KCNQ5: variants seen among roughly 807,000 people sequenced by gnomAD.
The protein encoded by KCNQ5 is potassium voltage-gated channel subfamily KQT member 5.
Under a neutral mutation model 98.2 loss-of-function variants are expected in KCNQ5, and 30 were observed. That is an observed-to-expected ratio of 0.31 (90% CI 0.23 to 0.41). KCNQ5 has a LOEUF of 0.41. Ranked by LOEUF, KCNQ5 falls within the 10% of genes least tolerant of loss-of-function variation. The pLI is 1.00. For missense variants in KCNQ5, 835 were observed against 1,182.5 expected, an observed-to-expected ratio of 0.71 and a Z score of 4.31; for synonymous variants, 458 against 449.4, an observed-to-expected ratio of 1.02 and a Z score of -0.24.
chr6:72,872,330 T>C (rs1408651346), intron 1 of KCNQ5, among the ~76,000 whole-genome samples: 1 of 152,172 alleles, frequency 6.6e-6, no homozygotes, highest in East Asian at 1.9e-4. Context: ...TGCCTTCCAG[T>C]ATATTTGTCA....
At chr6:72,987,459 G>A (rs1768841029) in intron 1 of KCNQ5, 3 of 676,270 alleles carry the variant, frequency 4.4e-6, no homozygotes, top group South Asian at 4.1e-5. Flanking sequence ...TGACAACGAG[G>A]AACAGAAACT....
chr6:72,945,628 A>C (rs1196640632), intron 1 of KCNQ5, among the ~76,000 whole-genome samples: 1 of 151,238 alleles, frequency 6.6e-6, no homozygotes, highest in African/African-American at 2.4e-5. Flanking sequence ...CTAATTTTTA[A>C]ATTTTTTAGT....
chr6:73,170,555 T>A, intron 11 of KCNQ5, among the ~76,000 whole-genome samples: 2 of 102,120 alleles, frequency 2.0e-5, no homozygotes, highest in South Asian at 3.7e-4. Flanking sequence ...GAATGCTGAG[T>A]AACTATATTG....
chr6:73,189,409 G>T (rs968192575), intron 11 of KCNQ5, among the ~76,000 whole-genome samples: 9 of 152,152 alleles, frequency 5.9e-5, no homozygotes, highest in Non-Finnish European at 1.0e-4. Context: ...GCAAGGTAGG[G>T]TTTAGGCTTT....
chr6:72,625,991 C>T (rs751234271), intron 1 of KCNQ5, among the ~76,000 whole-genome samples: 8 of 152,184 alleles, frequency 5.3e-5, no homozygotes, highest in Non-Finnish European at 7.3e-5. Flanking sequence ...ATATCATCCC[C>T]TTGCCTAAAA....
chr6:72,726,205 T>TA (rs145136775), intron 1 of KCNQ5, among the ~76,000 whole-genome samples: 93 of 130,056 alleles, frequency 7.2e-4, no homozygotes, highest in African/African-American at 2.0e-3. Flanking sequence ...TTTTTAAATT[T>TA]AAATTTTTTT....
At chr6:72,913,214 A>AT (rs1253290010) in intron 1 of KCNQ5, among the ~76,000 whole-genome samples, 1 of 152,186 alleles carries the variant, frequency 6.6e-6, no homozygotes, top group East Asian at 1.9e-4. Flanking sequence ...CACCACAAGT[A>AT]GATTTCAGTA....
intron 1 of KCNQ5, among the ~76,000 whole-genome samples, chr6:72,694,440 A>C (rs1289246995): frequency 6.6e-6 from 1 of 152,156 alleles, no homozygotes; most frequent in Non-Finnish European, 1.5e-5. Context: ...TGAGAGATGC[A>C]GAGGGGTTAT....
chr6:72,661,363 C>T (rs557036701), intron 1 of KCNQ5, among the ~76,000 whole-genome samples: 67 of 152,026 alleles, frequency 4.4e-4, no homozygotes, highest in Non-Finnish European at 5.0e-4. Flanking sequence ...GGCTTATCAG[C>T]TTACTTAGCA....
chr6:72,786,046 A>C (rs551303553), intron 1 of KCNQ5, among the ~76,000 whole-genome samples: 53 of 152,332 alleles, frequency 3.5e-4, no homozygotes, highest in African/African-American at 1.3e-3. Context: ...TAATTTTAAT[A>C]ATAGATTTGA....
At chr6:73,077,279 C>T (rs1271229795) in intron 3 of KCNQ5, 43 bp from the exon 4 acceptor site, 2 of 1,564,550 alleles carry the variant, frequency 1.3e-6, no homozygotes, top group Non-Finnish European at 1.8e-6. Context: ...AATAAAAATT[C>T]CTGGTCGTGC....
Position 73,194,727 on chromosome 6 carries a change from G to A in KCNQ5, c.2112G>A (p.Ala704=), listed in dbSNP as rs142867844. 6.9e-5 allele frequency: 112 copies of A among 1,614,078 alleles called. No homozygotes were observed. Among genetic ancestry groups the A allele is most frequent in the Middle Eastern group, 3.3e-4 (2 of 6,084 alleles). Residue 704 remains alanine (A), a synonymous_variant, in exon 14 of 14, where the codon GCG becomes GCA. Coordinates refer to ENST00000370398, the MANE Select transcript of KCNQ5 (RefSeq NM_019842.4). The part of the protein sequence containing the change: ...PNEFSAQTFY[A]LSPTMHSQAT... ...AGTTCAGTGCCCAGACTTTCTACGC[G>A]CTTAGCCCTACTATGCACAGTCAAG...
intron 2 of KCNQ5, among the ~76,000 whole-genome samples, chr6:73,034,179 C>G (rs1036981531): frequency 6.6e-6 from 1 of 151,790 alleles, no homozygotes; most frequent in African/African-American, 2.4e-5. Context: ...TGACTGATGC[C>G]TTTTTTTTGC....
At chr6:72,647,301 G>C (rs1765638941) in intron 1 of KCNQ5, among the ~76,000 whole-genome samples, 1 of 152,142 alleles carries the variant, frequency 6.6e-6, no homozygotes, top group Admixed American at 6.5e-5. Context: ...CAGTAGAGTT[G>C]AATTGAAAGA....
chr6:72,777,246 A>G lies in KCNQ5; in HGVS notation c.398+154659A>G, dbSNP rs142651144. Among the ~76,000 whole-genome samples the G allele has an allele frequency of 3.2e-4, 49 of 152,362 alleles. No individual in the cohort carries two copies. In the East Asian group the frequency reaches 7.7e-3, roughly 24 times the overall value. On this transcript the variant is annotated intron_variant, in intron 1 of 13. Coordinates refer to ENST00000370398, the MANE Select transcript of KCNQ5 (RefSeq NM_019842.4). ...GATGGCTTAGTGGAAGTTAGATTCG[A>G]GAAGGACAAGACATTACTGGGAACC...
chr6:73,061,239 T>C (rs939156773), intron 3 of KCNQ5, among the ~76,000 whole-genome samples: 3 of 152,168 alleles, frequency 2.0e-5, no homozygotes, highest in African/African-American at 7.2e-5. Context: ...AACATTGAAA[T>C]AATTTTTACA....
intron 1 of KCNQ5, among the ~76,000 whole-genome samples, chr6:72,722,232 T>A (rs1308729669): frequency 6.6e-6 from 1 of 152,204 alleles, no homozygotes; most frequent in African/African-American, 2.4e-5. Flanking sequence ...AACTATAAGA[T>A]AATACAAGGC....
intron 1 of KCNQ5, among the ~76,000 whole-genome samples, chr6:72,979,453 GT>G (rs1424031560): frequency 3.3e-5 from 5 of 152,098 alleles, no homozygotes; most frequent in African/African-American, 1.2e-4. Context: ...TCATGTGTCT[GT>G]TGGCTGCATA....
At position 72,696,234 on chromosome 6, in the gene KCNQ5, A is replaced by G. The variant is rs1768490428; in HGVS notation, c.398+73647A>G. 2.0e-5 allele frequency among the ~76,000 whole-genome samples: 3 copies of G among 152,240 alleles called. No homozygotes were observed. The South Asian group carries it at 6.2e-4, about 31-fold the overall frequency. ...GTAATTTAAGAGGCCCTCATTAGTA[A>G]CATGGGCAAACAGTGGAATATTATA... On this transcript the variant is annotated intron_variant, in intron 1 of 13. Transcript: ENST00000370398.
Sources: allele counts gnomAD v4.1 joint callset (sites outside exome capture counted in the v4.1 genomes callset), GRCh38; gene constraint gnomAD v4.1.1; transcripts MANE v1.5; gene names NCBI Gene and HGNC (gene_info 2026-07-23, HGNC 2026-07-21).